TENM3: variants seen among roughly 807,000 people sequenced by gnomAD.
TENM3 encodes the protein teneurin transmembrane protein 3.
A neutral mutation model predicts 255.1 loss-of-function variants in TENM3; 63 were observed. That is an observed-to-expected ratio of 0.25 (90% CI 0.20 to 0.30). TENM3 has a LOEUF of 0.30. Among genes scored for constraint, TENM3 ranks in the 10% least tolerant of loss-of-function variants. TENM3 has a pLI of 1.00. For synonymous variants in TENM3, 1,306 were observed against 1,322.3 expected (o/e 0.99, Z 0.27); for missense variants, 2,929 against 3,461.1 (o/e 0.85, Z 3.86).
chr4:181,509,116 G>A, the TENM3 span, among the ~76,000 whole-genome samples: 2 of 151,850 alleles, frequency 1.3e-5, no homozygotes, highest in Admixed American at 6.6e-5. Flanking sequence ...GAAACTACAC[G>A]TGGAACATGG....
the TENM3 span, among the ~76,000 whole-genome samples, chr4:181,970,238 A>G: frequency 6.6e-6 from 1 of 152,234 alleles, no homozygotes; most frequent in Non-Finnish European, 1.5e-5. Flanking sequence ...GTAAATAAGT[A>G]ATTGCTATAC....
the TENM3 span, among the ~76,000 whole-genome samples, chr4:181,546,604 C>G: frequency 2.1e-5 from 3 of 141,500 alleles, no homozygotes; most frequent in African/African-American, 7.8e-5. Context: ...GTCCCAGCTA[C>G]TCGGGAGGCT....
At chr4:181,661,605 A>G in the TENM3 span, among the ~76,000 whole-genome samples, 1 of 152,106 alleles carries the variant, frequency 6.6e-6, no homozygotes, top group Non-Finnish European at 1.5e-5. Flanking sequence ...ACTAGCCCCT[A>G]CTGAATTGCG....
intron 1 of TENM3, among the ~76,000 whole-genome samples, chr4:182,170,882 G>GT (rs1386995209): frequency 1.3e-5 from 2 of 151,836 alleles, no homozygotes; most frequent in Non-Finnish European, 2.9e-5. Context: ...TTTTAAGTGA[G>GT]TTTTTTTTCT....
At chr4:181,910,575 T>C in the TENM3 span, among the ~76,000 whole-genome samples, 1 of 143,380 alleles carries the variant, frequency 7.0e-6, no homozygotes, top group East Asian at 2.0e-4. Context: ...ATATATATAA[T>C]GTACATATGT....
Position 182,283,175 on chromosome 4 carries a change from G to A in TENM3, c.-76+39699G>A, listed in dbSNP as rs540668662. Among the ~76,000 whole-genome samples, 32 of 152,124 alleles carry A rather than the reference G, an allele frequency of 2.1e-4. 1 individual carries two copies. The South Asian group carries it at 3.1e-3, about 15-fold the overall frequency. On this transcript the variant is annotated intron_variant, in intron 1 of 27. Coordinates refer to ENST00000511685, the MANE Select transcript of TENM3 (RefSeq NM_001080477.4). ...AATCTGCTCCTTTTTCCTTTTAAAC[G>A]TTTATGTTTAATTGTGTAATAATTA...
the TENM3 span, among the ~76,000 whole-genome samples, chr4:182,130,839 G>T: frequency 6.6e-6 from 1 of 151,744 alleles, no homozygotes; most frequent in African/African-American, 2.4e-5. Context: ...GAAAATAATT[G>T]GTTAGATAAA....
In TENM3 at chr4:182,324,015, T is replaced by C. The variant is rs771132106; in HGVS notation, c.-6T>C. 3 of 1,612,290 alleles carry C rather than the reference T, an allele frequency of 1.9e-6. No individual in the cohort carries two copies. The South Asian group carries it at 3.3e-5, about 18-fold the overall frequency. ...AGGACTGATGTGCACACAGAAGGAA[T>C]GAAGTATGGATGTGAAAGAACGCAG... On this transcript the variant is annotated 5_prime_UTR_variant, in exon 2 of 28. An upstream start codon of the reference 5' UTR is lost. Transcript: ENST00000511685.
chr4:182,634,024 G>A (rs895405481), intron 5 of TENM3, among the ~76,000 whole-genome samples: 2 of 152,210 alleles, frequency 1.3e-5, no homozygotes, highest in Middle Eastern at 3.4e-3. Flanking sequence ...AGTGAGAACC[G>A]AGATTGGTTT....
At chr4:181,510,463 G>C in the TENM3 span, among the ~76,000 whole-genome samples, 5 of 152,196 alleles carry the variant, frequency 3.3e-5, no homozygotes, top group African/African-American at 1.2e-4. Context: ...GGGTAAAAGT[G>C]TTTTGTCATA....
chr4:182,761,906 T>TA (rs1297991296), intron 22 of TENM3, among the ~76,000 whole-genome samples: 3 of 152,134 alleles, frequency 2.0e-5, no homozygotes, highest in Non-Finnish European at 2.9e-5. Flanking sequence ...GGGACATCAA[T>TA]AAAAAAATGC....
At chr4:182,285,985 CA>C (rs1760704762) in intron 1 of TENM3, among the ~76,000 whole-genome samples, 1 of 152,092 alleles carries the variant, frequency 6.6e-6, no homozygotes, top group African/African-American at 2.4e-5. Context: ...AGCTACTTCC[CA>C]GGGCTTTGCT....
chr4:182,618,491 T>TAAA (rs1749754308), intron 4 of TENM3, among the ~76,000 whole-genome samples: 2 of 152,114 alleles, frequency 1.3e-5, no homozygotes, highest in African/African-American at 4.8e-5. Context: ...TTAAATTTCC[T>TAAA]TGATAATCTG....
chr4:181,493,751 TAATAA>T, the TENM3 span, among the ~76,000 whole-genome samples: 2 of 151,816 alleles, frequency 1.3e-5, no homozygotes, highest in Non-Finnish European at 2.9e-5. Context: ...TCTCAAAAAG[TAATAA>T]AATAAAATAA....
At chr4:181,812,381 T>C in the TENM3 span, among the ~76,000 whole-genome samples, 1 of 152,220 alleles carries the variant, frequency 6.6e-6, no homozygotes, top group Non-Finnish European at 1.5e-5. Flanking sequence ...TGCTTTTAAC[T>C]TTAGAAAAAA....
the TENM3 span, among the ~76,000 whole-genome samples, chr4:182,100,448 A>T: frequency 3.9e-4 from 45 of 114,710 alleles, no homozygotes; most frequent in Admixed American, 1.8e-3. Context: ...TAAAAAAAAA[A>T]ATATATATAT....
At chr4:182,279,937 A>G (rs2150264052) in intron 1 of TENM3, among the ~76,000 whole-genome samples, 1 of 152,326 alleles carries the variant, frequency 6.6e-6, no homozygotes, top group Non-Finnish European at 1.5e-5. Flanking sequence ...CTTGAAACCC[A>G]CACGTTGCAG....
chr4:182,078,382 C>T, the TENM3 span, among the ~76,000 whole-genome samples: 5 of 151,610 alleles, frequency 3.3e-5, no homozygotes, highest in Non-Finnish European at 5.9e-5. Context: ...ATTAGCCGGG[C>T]GTGGTGGTGT....
chr4:181,553,295 G>GTC, the TENM3 span, among the ~76,000 whole-genome samples: 16 of 110,120 alleles, frequency 1.5e-4, no homozygotes, highest in Non-Finnish European at 1.9e-4. Context: ...GTGTGTGTGT[G>GTC]TGTAGTGTGT....
Sources: gnomAD v4.1 joint callset for allele counts (sites outside exome capture counted in the v4.1 genomes callset) on GRCh38, gnomAD v4.1.1 for gene constraint, MANE v1.5 for transcripts, NCBI Gene and HGNC (gene_info 2026-07-23, HGNC 2026-07-21) for gene names.